NRG3: variants seen among roughly 807,000 people sequenced by gnomAD.
The protein encoded by NRG3 is neuregulin 3.
A neutral mutation model predicts 66.9 loss-of-function variants in NRG3; 31 were observed. That is an observed-to-expected ratio of 0.46 (90% CI 0.35 to 0.63). NRG3 has a LOEUF of 0.63. NRG3 is among the 20% of genes least tolerant of loss of function. The probability of loss-of-function intolerance (pLI) is 0.00; values close to 1 mark genes in which losing one functional copy is unlikely to be tolerated. For synonymous variants in NRG3, 393 were observed against 359.4 expected (o/e 1.09, Z -1.06); for missense variants, 910 against 878.9 (o/e 1.04, Z -0.45).
intron 2 of NRG3, among the ~76,000 whole-genome samples, chr10:82,715,881 C>T (rs1286625252): frequency 2.0e-5 from 3 of 152,104 alleles, no homozygotes. Context: ...CTGCAGACTA[C>T]CAACTTCTCC....
At chr10:82,697,757 G>A (rs1207034978) in intron 2 of NRG3, among the ~76,000 whole-genome samples, 2 of 152,264 alleles carry the variant, frequency 1.3e-5, no homozygotes, top group East Asian at 1.9e-4. Context: ...AAAGGAGGAC[G>A]CTTGCTGGTA....
Position 82,409,013 on chromosome 10 carries a change from T to C in NRG3, c.953+50145T>C, listed in dbSNP as rs60640430. On this transcript the variant is annotated intron_variant, in intron 2 of 8. Transcript: ENST00000372141. ...ACAGAGGGTGTCTGAAGGGAAATGA[T>C]AGATGGGGAAACCTAGGTGGCCCCA... Among the ~76,000 whole-genome samples the C allele has an allele frequency of 7.0e-3, 1,065 of 152,260 alleles. 14 individuals are homozygous for C. The highest frequency in any genetic ancestry group is 0.025 in the African/African-American group (1,028 of 41,546).
At chr10:82,788,917 T>G (rs1260173915) in intron 3 of NRG3, among the ~76,000 whole-genome samples, 2 of 152,186 alleles carry the variant, frequency 1.3e-5, no homozygotes, top group African/African-American at 4.8e-5. Flanking sequence ...AATGTATGTA[T>G]ACGCTACATA....
chr10:82,037,700 A>G (rs1020408070), intron 1 of NRG3, among the ~76,000 whole-genome samples: 2 of 152,102 alleles, frequency 1.3e-5, no homozygotes, highest in African/African-American at 2.4e-5. Flanking sequence ...TGTGTTTTCA[A>G]CATGGCACTT....
intron 3 of NRG3, among the ~76,000 whole-genome samples, chr10:82,825,457 G>A: frequency 6.6e-6 from 1 of 152,218 alleles, no homozygotes; most frequent in East Asian, 1.9e-4. Context: ...TCTAGAATCA[G>A]ACAGATTATT....
intron 2 of NRG3, among the ~76,000 whole-genome samples, chr10:82,389,380 G>A (rs1251345403): frequency 6.6e-6 from 1 of 152,038 alleles, no homozygotes; most frequent in African/African-American, 2.4e-5. Flanking sequence ...TCACTACCTA[G>A]GATTCACAGG....
At chr10:82,256,001 G>A (rs1291137896) in intron 1 of NRG3, among the ~76,000 whole-genome samples, 1 of 151,958 alleles carries the variant, frequency 6.6e-6, no homozygotes, top group African/African-American at 2.4e-5. Flanking sequence ...TCGTCTCACT[G>A]CAACCTCCAT....
At chr10:82,828,742 G>C (rs114025104) in intron 3 of NRG3, among the ~76,000 whole-genome samples, 1 of 152,304 alleles carries the variant, frequency 6.6e-6, no homozygotes, top group African/African-American at 2.4e-5. Context: ...TACAAAATAA[G>C]TTGGGAGTGG....
intron 4 of NRG3, among the ~76,000 whole-genome samples, chr10:82,895,770 C>A (rs61858780): frequency 0.047 from 7,090 of 152,232 alleles, 208 homozygotes; most frequent in South Asian, 0.15. Flanking sequence ...GGATTACAGA[C>A]GTGAGCCACC....
intron 1 of NRG3, among the ~76,000 whole-genome samples, chr10:82,070,042 G>A (rs1042150521): frequency 1.4e-4 from 22 of 152,134 alleles, no homozygotes; most frequent in Admixed American, 1.0e-3. Context: ...ATAACAGATC[G>A]TAGATCTAAC....
In NRG3 at chr10:82,517,194, A is replaced by C. The variant is rs1845741367; in HGVS notation, c.953+158326A>C. 2.0e-5 allele frequency among the ~76,000 whole-genome samples: 3 copies of C among 151,834 alleles called. No individual in the cohort carries two copies. In the South Asian group the frequency reaches 6.2e-4, roughly 31 times the overall value. ...AGTTATTCTTCTAGGTCTCCGTGGA[A>C]ATTTCTTTCTTTTATAGATACCATC... On this transcript the variant is annotated intron_variant, in intron 2 of 8. Transcript: ENST00000372141.
intron 1 of NRG3, among the ~76,000 whole-genome samples, chr10:82,048,033 A>C (rs4397788): frequency 0.89 from 132,694 of 149,604 alleles, 60,041 homozygotes; most frequent in South Asian, 0.99. Context: ...GGGATCAATT[A>C]AACAAGAAGA....
At chr10:82,781,855 T>C (rs1261700113) in intron 3 of NRG3, among the ~76,000 whole-genome samples, 2 of 152,060 alleles carry the variant, frequency 1.3e-5, no homozygotes, top group South Asian at 2.1e-4. Context: ...GTTCCTGTTA[T>C]TTAAAGAAAG....
At chr10:82,065,562 T>C (rs1445813255) in intron 1 of NRG3, among the ~76,000 whole-genome samples, 2 of 152,060 alleles carry the variant, frequency 1.3e-5, no homozygotes, top group Non-Finnish European at 2.9e-5. Context: ...ACATAGTACA[T>C]GTTAAAAAAA....
rs182401200 is a variant in NRG3 at position 82,312,270 on chromosome 10, G to A, written c.824-46469G>A. On this transcript the variant is annotated intron_variant, in intron 1 of 8. Transcript: ENST00000372141. The stretch of plus-strand genomic sequence containing the variant: ...ATTTACATAAGTGTTGGAAGCTGGC[G>A]TTTCTGAAGAGGCCATTGAAGGCAT... Among the ~76,000 whole-genome samples the A allele has an allele frequency of 6.7e-4, 102 of 152,280 alleles. 1 individual carries two copies. The highest frequency in any genetic ancestry group is 6.6e-3 in the Admixed American group (101 of 15,294).
chr10:82,616,222 T>G lies in NRG3; in HGVS notation c.954-122355T>G, dbSNP rs545038253. 2.6e-5 allele frequency among the ~76,000 whole-genome samples: 4 copies of G among 152,358 alleles called. No homozygotes were observed. The East Asian group carries it at 7.7e-4, about 29-fold the overall frequency. On this transcript the variant is annotated intron_variant, in intron 2 of 8. Coordinates refer to ENST00000372141, the MANE Select transcript of NRG3 (RefSeq NM_001010848.4). The stretch of plus-strand genomic sequence containing the variant: ...GCTATTCAGGATATCGATTATGTTA[T>G]GTCCTATCACTTGGATTTAATTAGA...
intron 1 of NRG3, among the ~76,000 whole-genome samples, chr10:81,941,787 A>T (rs932137377): frequency 2.0e-5 from 3 of 152,074 alleles, no homozygotes; most frequent in African/African-American, 7.2e-5. Flanking sequence ...GCTTGGAGAG[A>T]GTGGTAAACA....
At chr10:82,171,212 A>G (rs2133098706) in intron 1 of NRG3, among the ~76,000 whole-genome samples, 2 of 152,222 alleles carry the variant, frequency 1.3e-5, no homozygotes, top group Middle Eastern at 6.8e-3. Flanking sequence ...TGGAAAGTAG[A>G]GACGCATCAA....
chr10:82,662,360 T>A (rs75392707), intron 2 of NRG3, among the ~76,000 whole-genome samples: 8,848 of 141,660 alleles, frequency 0.062, 326 homozygotes, highest in East Asian at 0.18. Flanking sequence ...CAGACTCTTT[T>A]AAAAAAAAAA....
Sources: gnomAD v4.1 joint callset for allele counts (sites outside exome capture counted in the v4.1 genomes callset) on GRCh38, gnomAD v4.1.1 for gene constraint, MANE v1.5 for transcripts, NCBI Gene and HGNC (gene_info 2026-07-23, HGNC 2026-07-21) for gene names.